SENP6: variants seen among roughly 807,000 people sequenced by gnomAD.
SENP6 encodes the protein sentrin-specific protease 6.
Under a neutral mutation model 134.5 loss-of-function variants are expected in SENP6, and 41 were observed. The ratio of observed to expected loss-of-function variants is 0.30; its 90% CI spans 0.24 to 0.40. The LOEUF is 0.40. Among genes scored for constraint, SENP6 ranks in the 10% least tolerant of loss-of-function variants. The pLI, the probability that SENP6 is intolerant of heterozygous loss-of-function variation, is 1.00. For synonymous variants in SENP6, 395 were observed against 429.8 expected, an observed-to-expected ratio of 0.92 and a Z score of 1.00; for missense variants, 1,248 against 1,312.5, an observed-to-expected ratio of 0.95 and a Z score of 0.76.
chr6:75,707,724 G>C (rs1472328552), intron 19 of SENP6, among the ~76,000 whole-genome samples: 1 of 151,902 alleles, frequency 6.6e-6, no homozygotes, highest in Non-Finnish European at 1.5e-5. Flanking sequence ...CACTTTCATA[G>C]AAGTTAAGAG....
intron 1 of SENP6, 78 bp from the exon 2 acceptor site, chr6:75,621,454 G>T: frequency 1.2e-6 from 1 of 862,462 alleles, no homozygotes; most frequent in South Asian, 1.7e-5. Flanking sequence ...TAATCAAAGA[G>T]CTTGGGAAAT....
chr6:75,634,995 G>T, intron 5 of SENP6, 184 bp downstream of exon 5: 1 of 663,768 alleles, frequency 1.5e-6, no homozygotes, highest in African/African-American at 1.8e-5. Context: ...TGAGTAATCA[G>T]ATTCTGTAAA....
intron 2 of SENP6, among the ~76,000 whole-genome samples, chr6:75,621,936 TC>T (rs1768307086): frequency 1.3e-5 from 2 of 152,202 alleles, no homozygotes; most frequent in Admixed American, 1.3e-4. Context: ...GGCATTCTGT[TC>T]AGGCAGCAAT....
chr6:75,685,131 G>T (rs1773736628), intron 16 of SENP6, among the ~76,000 whole-genome samples: 1 of 152,140 alleles, frequency 6.6e-6, no homozygotes, highest in Non-Finnish European at 1.5e-5. Context: ...TCTTGGGAGG[G>T]TGTATGTGTC....
intron 5 of SENP6, among the ~76,000 whole-genome samples, chr6:75,636,823 A>G (rs769335116): frequency 6.6e-6 from 1 of 151,964 alleles, no homozygotes; most frequent in Non-Finnish European, 1.5e-5. Context: ...GTGAGGGTAA[A>G]CACATTGGCT....
intron 23 of SENP6, among the ~76,000 whole-genome samples, chr6:75,714,414 G>A (rs1192056214): frequency 1.3e-5 from 2 of 152,132 alleles, no homozygotes; most frequent in African/African-American, 4.8e-5. Flanking sequence ...ACTAGGTTCT[G>A]TGAATTGTGT....
intron 1 of SENP6, among the ~76,000 whole-genome samples, chr6:75,606,109 C>T (rs1767008672): frequency 6.6e-6 from 1 of 152,198 alleles, no homozygotes; most frequent in Non-Finnish European, 1.5e-5. Flanking sequence ...AGGAAATTAA[C>T]AACACTGGTC....
At chr6:75,670,526 A>G (rs368016745) in intron 10 of SENP6, 27 bp from the exon 11 acceptor site, 8 of 1,547,842 alleles carry the variant, frequency 5.2e-6, no homozygotes, top group Non-Finnish European at 7.1e-6. Context: ...GTAAATTATT[A>G]AGTGAACATT....
Position 75,613,833 on chromosome 6 carries a change from A to G in SENP6, c.53-7699A>G, listed in dbSNP as rs527792427. Among the ~76,000 whole-genome samples the G allele has an allele frequency of 6.0e-4, 92 of 152,338 alleles. 3 individuals are homozygous for G. In the South Asian group the frequency reaches 0.018, roughly 29 times the overall value. ...TAACATTGATACAATACTATAATCT[A>G]CAAACATTTTTCCACTTTCATTAGT... On this transcript the variant is annotated intron_variant, in intron 1 of 23. Coordinates refer to ENST00000447266, the MANE Select transcript of SENP6 (RefSeq NM_015571.4).
At chr6:75,699,755 G>A (rs1358946561) in intron 18 of SENP6, among the ~76,000 whole-genome samples, 2 of 152,082 alleles carry the variant, frequency 1.3e-5, no homozygotes, top group Non-Finnish European at 2.9e-5. Context: ...CTCTCAAAGT[G>A]CTGGGATTAC....
intron 1 of SENP6, among the ~76,000 whole-genome samples, chr6:75,605,458 G>A (rs1484205437): frequency 6.6e-6 from 1 of 152,148 alleles, no homozygotes; most frequent in Non-Finnish European, 1.5e-5. Flanking sequence ...AAATAAACCA[G>A]ATGATAAACA....
intron 1 of SENP6, among the ~76,000 whole-genome samples, chr6:75,603,030 C>CT (rs1326716596): frequency 6.6e-6 from 1 of 152,192 alleles, no homozygotes; most frequent in Middle Eastern, 3.2e-3. Flanking sequence ...ACCCTCTGGT[C>CT]TGTTTCTCAG....
intron 3 of SENP6, among the ~76,000 whole-genome samples, chr6:75,631,585 A>G (rs1169163621): frequency 6.6e-6 from 1 of 151,020 alleles, no homozygotes; most frequent in Non-Finnish European, 1.5e-5. Context: ...ATTTCATGAC[A>G]TGTGAGCATA....
intron 7 of SENP6, among the ~76,000 whole-genome samples, chr6:75,648,410 CTTTG>C (rs1322883655): frequency 1.3e-5 from 2 of 151,892 alleles, no homozygotes; most frequent in Non-Finnish European, 2.9e-5. Flanking sequence ...TTTCTGAGGC[CTTTG>C]TTTGTTTAAA....
chr6:75,602,357 G>A lies in SENP6; in HGVS notation c.-168G>A. 1 of 706,124 alleles carries A rather than the reference G, an allele frequency of 1.4e-6. No individual in the cohort carries two copies. The highest frequency in any genetic ancestry group is 2.2e-6 in the Non-Finnish European group (1 of 447,852). The allele number at this position is 706,124 out of a possible 1,614,324, so 43.7% of individuals were successfully genotyped here. A position where few individuals can be genotyped will look rare whatever the true frequency, so the allele number is the denominator to read the frequency against. On this transcript the variant is annotated 5_prime_UTR_variant, in exon 1 of 24. Coordinates refer to ENST00000447266, the MANE Select transcript of SENP6 (RefSeq NM_015571.4). ...GGACAGGCCCGGGCGCGCCTGGCCT[G>A]CCTTTGTATAGGCCCGTCTGAACGT...
intron 16 of SENP6, among the ~76,000 whole-genome samples, chr6:75,686,588 C>G (rs960143706): frequency 2.5e-4 from 38 of 152,276 alleles, no homozygotes; most frequent in African/African-American, 8.9e-4. Flanking sequence ...CAAGGCAGGC[C>G]TGGTGGTGAC....
In SENP6 at chr6:75,614,913, T is replaced by C. The variant is rs533718614; in HGVS notation, c.53-6619T>C. 5.3e-5 allele frequency among the ~76,000 whole-genome samples: 8 copies of C among 152,148 alleles called. No homozygotes were observed. The East Asian group carries it at 9.7e-4, about 18-fold the overall frequency. On this transcript the variant is annotated intron_variant, in intron 1 of 23. Transcript: ENST00000447266. Reference sequence around the variant, plus strand: ...GTTGTTGTTGTTTTGAGACAGAGTCTCACACACTTTTTTACCCAGGCTGGA... The same window carrying C: ...GTTGTTGTTGTTTTGAGACAGAGTCCCACACACTTTTTTACCCAGGCTGGA...
At chr6:75,677,679 T>A (rs1276139303) in intron 14 of SENP6, 1 of 156,084 alleles carries the variant, frequency 6.4e-6, no homozygotes, top group Non-Finnish European at 1.4e-5. Context: ...ACTTGAGAGA[T>A]GAAGAATACA....
At chr6:75,683,023 C>T (rs1773573734) in intron 16 of SENP6, among the ~76,000 whole-genome samples, 2 of 152,340 alleles carry the variant, frequency 1.3e-5, no homozygotes, top group South Asian at 4.1e-4. Context: ...CTCCCACCAA[C>T]TGTGTAAAAG....
Sources: gnomAD v4.1 joint callset for allele counts (sites outside exome capture counted in the v4.1 genomes callset) on GRCh38, gnomAD v4.1.1 for gene constraint, MANE v1.5 for transcripts, NCBI Gene and HGNC (gene_info 2026-07-23, HGNC 2026-07-21) for gene names.